Variants in TERB1 observed in about 807,000 individuals in gnomAD.
TERB1 encodes the protein telomere repeat binding bouquet formation protein 1, also known as telomere repeats-binding bouquet formation protein 1.
Under a neutral mutation model 92.3 loss-of-function variants are expected in TERB1, and 63 were observed. That is an observed-to-expected ratio of 0.68 (90% confidence interval 0.56 to 0.84). The LOEUF is 0.84. TERB1 is among the 40% of genes least tolerant of loss of function. TERB1 has a pLI of 0.00. For missense variants in TERB1, 709 were observed against 843.7 expected (o/e 0.84, Z 1.98); for synonymous variants, 252 against 283.9 (o/e 0.89, Z 1.13).
intron 8 of TERB1, 48 bp from the exon 9 acceptor site, chr16:66,785,956 T>C (rs1463176943): frequency 1.3e-6 from 2 of 1,529,008 alleles, no homozygotes; most frequent in African/African-American, 1.4e-5. Flanking sequence ...AATTGGAAAA[T>C]ATCAGTTTTC....
chr16:66,777,311 T>G lies in TERB1; in HGVS notation c.877A>C (p.Lys293Gln). The change falls in exon 11 of 19, where the codon AAG becomes CAG. Residue 293 changes from lysine (K) to glutamine (Q), a missense_variant. Transcript: ENST00000433154. Reference protein sequence around the residue: ...DNPTFGIVLSKYHIVSKLLAL... With the variant: ...DNPTFGIVLSQYHIVSKLLAL... ...AGAAGTTTAGAAACAATGTGGTACT[T>G]GGAGAGTACTATCCCAAAAGTAGCT... 2.6e-6 allele frequency: 4 copies of G among 1,545,958 alleles called. No individual in the cohort carries two copies. Among genetic ancestry groups the G allele is most frequent in the Non-Finnish European group, 3.5e-6 (4 of 1,142,364 alleles).
At chr16:66,766,152 T>A (rs1597011244) in intron 16 of TERB1, among the ~76,000 whole-genome samples, 2 of 151,474 alleles carry the variant, frequency 1.3e-5, no homozygotes, top group East Asian at 3.9e-4. Context: ...ATTACAGGCG[T>A]GAGCCACCGC....
intron 9 of TERB1, among the ~76,000 whole-genome samples, chr16:66,782,419 G>A (rs558626753): frequency 4.8e-4 from 73 of 152,026 alleles, no homozygotes; most frequent in Admixed American, 3.3e-4. Flanking sequence ...GCTTGGTGGC[G>A]GGCACCCGTA....
At chr16:66,789,017 C>CAAAAAAAAAAAAAA (rs57876042) in intron 5 of TERB1, among the ~76,000 whole-genome samples, 1 of 68,324 alleles carries the variant, frequency 1.5e-5, no homozygotes, top group Non-Finnish European at 3.0e-5. Context: ...GGTATGGTAC[C>CAAAAAAAAAAAAAA]AAAAAAAAAA....
intron 18 of TERB1, among the ~76,000 whole-genome samples, chr16:66,755,637 T>C (rs116884128): frequency 0.055 from 8,327 of 151,924 alleles, 274 homozygotes; most frequent in African/African-American, 0.088. Flanking sequence ...TAGCCAGGCA[T>C]GGTGGCACGT....
In TERB1 at chr16:66,759,132, A is replaced by G. The variant is rs2018185992; in HGVS notation, c.1930+9T>C. ...ATAATTACAATTTTAAAGCTGCTGA[A>G]TTAATTACTTTTGTTACAGATAAGT... On this transcript the variant is annotated intron_variant, in intron 17 of 18. Transcript: ENST00000433154. 2.6e-6 allele frequency: 4 copies of G among 1,531,444 alleles called. No homozygotes were observed. Among genetic ancestry groups the G allele is most frequent in the South Asian group, 2.5e-5 (2 of 80,270 alleles). The allele number at this position is 1,531,444 out of a possible 1,614,324, so 94.9% of individuals were successfully genotyped here. A position where few individuals can be genotyped will look rare whatever the true frequency, so the allele number is the denominator to read the frequency against.
chr16:66,762,396 T>G (rs144664012), intron 16 of TERB1, among the ~76,000 whole-genome samples: 102 of 152,274 alleles, frequency 6.7e-4, no homozygotes, highest in Middle Eastern at 3.4e-3. Flanking sequence ...TTGTTTGTTT[T>G]TTTTCCTGTG....
At chr16:66,765,436 T>C (rs363182) in intron 16 of TERB1, among the ~76,000 whole-genome samples, 76,743 of 151,892 alleles carry the variant, frequency 0.51, 20,277 homozygotes, top group African/African-American at 0.64. Context: ...TTTATTCTTA[T>C]TAAATACATT....
At chr16:66,788,081 A>G (rs2018757966) in intron 6 of TERB1, 88 bp downstream of exon 6, 4 of 1,092,140 alleles carry the variant, frequency 3.7e-6, no homozygotes, top group African/African-American at 3.3e-5. Context: ...AAAAAACAAA[A>G]CTGATATAAG....
chr16:66,765,576 G>A (rs1468832669), intron 16 of TERB1, among the ~76,000 whole-genome samples: 4 of 151,614 alleles, frequency 2.6e-5, no homozygotes, highest in African/African-American at 9.7e-5. Flanking sequence ...TCCTGTCTCA[G>A]CCTCCCGAGT....
intron 12 of TERB1, 116 bp downstream of exon 12, chr16:66,775,002 T>C: frequency 8.8e-7 from 1 of 1,134,168 alleles, no homozygotes; most frequent in Non-Finnish European, 1.2e-6. Flanking sequence ...GGGCCTAGTC[T>C]GCTTTTCAAA....
At chr16:66,791,480 T>G (rs1567478593) in intron 3 of TERB1, among the ~76,000 whole-genome samples, 1 of 151,836 alleles carries the variant, frequency 6.6e-6, no homozygotes, top group African/African-American at 2.4e-5. Context: ...TAAAGGAAAT[T>G]ATAAAGATCT....
chr16:66,768,095 T>A lies in TERB1; in HGVS notation c.1684+9A>T, dbSNP rs1029464856. On this transcript the variant is annotated intron_variant, in intron 15 of 18. Transcript: ENST00000433154. ...TATTAAAAAACCAAAGAAACATTTT[T>A]AATCATACCTGTTACTGGTAACTGC... The A allele has an allele frequency of 3.2e-6, 5 of 1,542,886 alleles. No individual in the cohort carries two copies. The highest frequency in any genetic ancestry group is 1.4e-5 in the African/African-American group (1 of 72,798).
intron 9 of TERB1, among the ~76,000 whole-genome samples, chr16:66,781,682 GC>G (rs1409939343): frequency 1.3e-5 from 2 of 151,876 alleles, no homozygotes; most frequent in Admixed American, 6.6e-5. Flanking sequence ...ACCACGCCCG[GC>G]TAATTTTTTT....
intron 14 of TERB1, among the ~76,000 whole-genome samples, chr16:66,768,688 T>C (rs1051034228): frequency 5.3e-5 from 8 of 152,242 alleles, no homozygotes; most frequent in African/African-American, 1.4e-4. Context: ...ATAGCAGGCA[T>C]AGCAGTAGCT....
intron 9 of TERB1, among the ~76,000 whole-genome samples, chr16:66,782,914 G>T (rs1435924805): frequency 6.6e-6 from 1 of 152,158 alleles, no homozygotes; most frequent in East Asian, 1.9e-4. Context: ...TGCCCAGGCT[G>T]GAGTGCCATA....
At chr16:66,799,893 C>A (rs1959228763) in intron 2 of TERB1, among the ~76,000 whole-genome samples, 1 of 152,136 alleles carries the variant, frequency 6.6e-6, no homozygotes, top group African/African-American at 2.4e-5. Context: ...TTTCAAAATT[C>A]TTTACTGTAT....
At position 66,784,964 on chromosome 16, in the gene TERB1, C is replaced by G. The variant is rs2018702916; in HGVS notation, c.700+822G>C. ...TCTCAAACTCCTGACCTCAAGCGAT[C>G]CACCTGCCTCAGCCTCCCAAAGTGC... On this transcript the variant is annotated intron_variant, in intron 9 of 18. Coordinates refer to ENST00000433154, the MANE Select transcript of TERB1 (RefSeq NM_001136505.2). Among the ~76,000 whole-genome samples, 3 of 150,280 alleles carry G rather than the reference C, an allele frequency of 2.0e-5. No homozygotes were observed. In the South Asian group the frequency reaches 6.3e-4, roughly 32 times the overall value.
Position 66,796,704 on chromosome 16 carries a change from T to A in TERB1, c.31+64A>T, listed in dbSNP as rs549489130. The A allele has an allele frequency of 4.6e-4, 510 of 1,101,488 alleles. 7 individuals carry two copies. In the South Asian group the frequency reaches 6.0e-3, roughly 13 times the overall value. 68.2% of individuals were successfully genotyped at this position (1,101,488 alleles called of 1,614,324 possible). On this transcript the variant is annotated intron_variant, in intron 3 of 18. Transcript: ENST00000433154. ...CTTTCATTTCCTGGATCCTGTCAGA[T>A]AATCTACAGTACATCCTACCAATAC...
Sources: gnomAD v4.1 joint callset for allele counts (sites outside exome capture counted in the v4.1 genomes callset) on GRCh38, gnomAD v4.1.1 for gene constraint, MANE v1.5 for transcripts, NCBI Gene and HGNC (gene_info 2026-07-23, HGNC 2026-07-21) for gene names.